The following ANKRD12 variants were observed in gnomAD, a reference collection of about 807,000 sequenced individuals.
The protein encoded by ANKRD12 is ankyrin repeat domain-containing protein 12.
ANKRD12 carries 85 observed loss-of-function variants against 183.4 expected under a neutral mutation model. The observed-to-expected ratio is 0.46, with a 90% CI of 0.39 to 0.56. ANKRD12 has a LOEUF of 0.56. ANKRD12 is among the 20% of genes least tolerant of loss of function. ANKRD12 has a pLI of 0.00. For synonymous variants in ANKRD12, 914 were observed against 800.2 expected (o/e 1.14, Z -2.40); for missense variants, 2,405 against 2,357.1 (o/e 1.02, Z -0.42).
At chr18:9,245,066 G>A (rs968569843) in intron 8 of ANKRD12, among the ~76,000 whole-genome samples, 25 of 151,860 alleles carry the variant, frequency 1.6e-4, no homozygotes, top group Admixed American at 5.9e-4. Flanking sequence ...ACTTTTTTAT[G>A]CACTTAGCCC....
chr18:9,171,716 T>A (rs1449546737), intron 1 of ANKRD12, among the ~76,000 whole-genome samples: 1 of 152,146 alleles, frequency 6.6e-6, no homozygotes, highest in African/African-American at 2.4e-5. Context: ...AATTCTGGGT[T>A]GGAAATTCTT....
chr18:9,216,395 A>G (rs974991330), intron 6 of ANKRD12, among the ~76,000 whole-genome samples: 9 of 152,220 alleles, frequency 5.9e-5, no homozygotes, highest in Admixed American at 3.9e-4. Context: ...AGAGTACAGT[A>G]TATAATACAT....
At chr18:9,187,566 G>A (rs1452916085) in intron 2 of ANKRD12, among the ~76,000 whole-genome samples, 2 of 152,110 alleles carry the variant, frequency 1.3e-5, no homozygotes, top group Non-Finnish European at 2.9e-5. Context: ...CATAACTTAA[G>A]TAATTGTATT....
At chr18:9,218,715 A>C (rs1164936702) in intron 7 of ANKRD12, among the ~76,000 whole-genome samples, 2 of 149,340 alleles carry the variant, frequency 1.3e-5, no homozygotes, top group East Asian at 3.9e-4. Flanking sequence ...TATCACCCAC[A>C]CTAGAGTGTA....
At chr18:9,172,453 T>G (rs2032832802) in intron 1 of ANKRD12, among the ~76,000 whole-genome samples, 1 of 152,206 alleles carries the variant, frequency 6.6e-6, no homozygotes, top group African/African-American at 2.4e-5. Flanking sequence ...TGTTTGCCTA[T>G]CTTATTTCAG....
At chr18:9,153,324 A>G (rs1309027278) in intron 1 of ANKRD12, among the ~76,000 whole-genome samples, 3 of 152,246 alleles carry the variant, frequency 2.0e-5, no homozygotes, top group Non-Finnish European at 2.9e-5. Context: ...TCCCCTTAAC[A>G]TTTTGAGAAT....
At chr18:9,158,208 G>C (rs2030887197) in intron 1 of ANKRD12, among the ~76,000 whole-genome samples, 1 of 152,158 alleles carries the variant, frequency 6.6e-6, no homozygotes, top group Admixed American at 6.5e-5. Flanking sequence ...CTTTATACCA[G>C]TTGCCTCTAT....
chr18:9,176,397 C>G (rs1030800742), intron 1 of ANKRD12, among the ~76,000 whole-genome samples: 18 of 151,966 alleles, frequency 1.2e-4, no homozygotes, highest in African/African-American at 4.4e-4. Context: ...CTCAAGGAGT[C>G]TTCCCACCTC....
intron 7 of ANKRD12, among the ~76,000 whole-genome samples, chr18:9,220,787 T>G (rs2036378451): frequency 6.6e-6 from 1 of 151,934 alleles, no homozygotes; most frequent in Non-Finnish European, 1.5e-5. Context: ...ACATTCAGAG[T>G]GGATAAGTTC....
chr18:9,208,590 C>T, intron 4 of ANKRD12, 67 bp from the exon 5 acceptor site: 4 of 1,421,480 alleles, frequency 2.8e-6, no homozygotes, highest in Non-Finnish European at 3.8e-6. Context: ...TCAAAAAATT[C>T]ATCTTAAACT....
chr18:9,275,844 G>A (rs184119789), intron 11 of ANKRD12, among the ~76,000 whole-genome samples, 177 bp downstream of exon 11: 20 of 152,316 alleles, frequency 1.3e-4, no homozygotes, highest in African/African-American at 4.1e-4. Flanking sequence ...ATTTTCTAAA[G>A]CACTGTAAAC....
intron 10 of ANKRD12, among the ~76,000 whole-genome samples, chr18:9,268,573 C>A (rs890960403): frequency 3.3e-5 from 5 of 152,130 alleles, no homozygotes; most frequent in Admixed American, 6.5e-5. Context: ...ATTCAACAAC[C>A]CTTCATGCTA....
chr18:9,183,483 CTTATTCTCTCAGTGCTACTATGGATAATT>C (rs2033843504), intron 2 of ANKRD12, among the ~76,000 whole-genome samples: 1 of 152,100 alleles, frequency 6.6e-6, no homozygotes, highest in African/African-American at 2.4e-5. Context: ...TTGTAAGTAT[CTTATTCTCTCAGTGCTACTATGGATAATT>C]TTATTTTGGG....
chr18:9,217,656 C>G lies in ANKRD12; in HGVS notation c.795+756C>G, dbSNP rs1475333841. The stretch of plus-strand genomic sequence containing the variant: ...AGCCTATAATTTTTTAAAACTGATT[C>G]TTGCCTACCAGTGGTCTACTCTTTT... On this transcript the variant is annotated intron_variant, in intron 7 of 12. Coordinates refer to ENST00000262126, the MANE Select transcript of ANKRD12 (RefSeq NM_015208.5). Among the ~76,000 whole-genome samples, 9 of 152,094 alleles carry G rather than the reference C, an allele frequency of 5.9e-5. No individual in the cohort carries two copies. The East Asian group carries it at 1.3e-3, about 23-fold the overall frequency.
At chr18:9,227,907 TCTAACC>T in intron 8 of ANKRD12, among the ~76,000 whole-genome samples, 1 of 152,312 alleles carries the variant, frequency 6.6e-6, no homozygotes, top group African/African-American at 2.4e-5. Context: ...ACTTACTTCA[TCTAACC>T]CTATGTTTGT....
At chr18:9,222,373 G>A (rs189307101) in intron 8 of ANKRD12, among the ~76,000 whole-genome samples, 248 of 151,850 alleles carry the variant, frequency 1.6e-3, no homozygotes, top group African/African-American at 5.7e-3. Context: ...GTCTTTTTCC[G>A]GTGTCCTGGT....
At chr18:9,137,300 G>C (rs1438361371) in intron 1 of ANKRD12, among the ~76,000 whole-genome samples, 2 of 146,564 alleles carry the variant, frequency 1.4e-5, no homozygotes, top group East Asian at 2.0e-4. Context: ...GGCGCTGCGC[G>C]GGGCGGGGCG....
intron 8 of ANKRD12, among the ~76,000 whole-genome samples, chr18:9,243,719 CAT>C (rs1406120586): frequency 6.6e-6 from 1 of 152,072 alleles, no homozygotes; most frequent in African/African-American, 2.4e-5. Flanking sequence ...AATTTGATGA[CAT>C]ATGAAGAATG....
At chr18:9,221,721 T>A (rs975583039) in intron 7 of ANKRD12, 131 bp from the exon 8 acceptor site, 2 of 854,054 alleles carry the variant, frequency 2.3e-6, no homozygotes, top group African/African-American at 3.4e-5. Flanking sequence ...CGATTTAGAG[T>A]AGATGGTGAG....
Sources: allele counts gnomAD v4.1 joint callset (sites outside exome capture counted in the v4.1 genomes callset), GRCh38; gene constraint gnomAD v4.1.1; transcripts MANE v1.5; gene names NCBI Gene and HGNC (gene_info 2026-07-23, HGNC 2026-07-21).